NSMCE2: variants seen among roughly 807,000 people sequenced by gnomAD.
NSMCE2 encodes E3 SUMO-protein ligase NSE2.
NSMCE2 carries 24 observed loss-of-function variants against 23.8 expected under a neutral mutation model. The observed-to-expected ratio is 1.01, with a 90% CI of 0.73 to 1.42. The LOEUF (loss-of-function observed/expected upper bound fraction) is 1.42. NSMCE2 is among the 40% of genes most tolerant of loss of function. The pLI is 0.00. For synonymous variants in NSMCE2, 92 were observed against 94.1 expected (o/e 0.98, Z 0.13); for missense variants, 284 against 296.5 (o/e 0.96, Z 0.31).
rs1443949746 is a variant in NSMCE2 at position 125,299,773 on chromosome 8, A to G, written c.419-57446A>G. Among the ~76,000 whole-genome samples, 6 of 120,258 alleles carry G rather than the reference A, an allele frequency of 5.0e-5. 1 individual carries two copies. In the South Asian group the frequency reaches 8.5e-4, roughly 17 times the overall value. 78.9% of individuals were successfully genotyped at this position (120,258 alleles called of 152,430 possible). A position where few individuals can be genotyped will look rare whatever the true frequency, so the allele number is the denominator to read the frequency against. On this transcript the variant is annotated intron_variant, in intron 5 of 7. Coordinates refer to ENST00000287437, the MANE Select transcript of NSMCE2 (RefSeq NM_173685.4). ...GAGAATGCCATGTAGTTTGAAGACT[A>G]TTATTACCTTGACCTCATAATTTTG...
intron 5 of NSMCE2, among the ~76,000 whole-genome samples, chr8:125,356,325 G>GTT (rs1563803250): frequency 5.6e-5 from 7 of 125,170 alleles, no homozygotes; most frequent in African/African-American, 1.9e-4. Context: ...TTAATTTTTT[G>GTT]GTTTTTTTTT....
intron 3 of NSMCE2, among the ~76,000 whole-genome samples, chr8:125,142,539 C>T (rs576933772): frequency 6.6e-6 from 1 of 152,002 alleles, no homozygotes; most frequent in Non-Finnish European, 1.5e-5. Context: ...CACTTACTAG[C>T]TTGTATCATG....
chr8:125,096,521 T>G (rs1241027119), intron 1 of NSMCE2, among the ~76,000 whole-genome samples: 1 of 152,106 alleles, frequency 6.6e-6, no homozygotes, highest in East Asian at 1.9e-4. Flanking sequence ...TATTTTTTTC[T>G]TGAGTTTCTA....
At chr8:125,163,758 G>A (rs1037543471) in intron 4 of NSMCE2, among the ~76,000 whole-genome samples, 1 of 152,198 alleles carries the variant, frequency 6.6e-6, no homozygotes, top group Admixed American at 6.5e-5. Flanking sequence ...GTCCCTGTTA[G>A]CTCTTAGAGG....
chr8:125,306,438 C>G lies in NSMCE2; in HGVS notation c.419-50781C>G, dbSNP rs570400991. On this transcript the variant is annotated intron_variant, in intron 5 of 7. Transcript: ENST00000287437. ...GCCTTACTGCCCAATTTAAATTTCT[C>G]TATCTCTCTCTCTCTTCTCCCCACT... Among the ~76,000 whole-genome samples, 12 of 152,162 alleles carry G rather than the reference C, an allele frequency of 7.9e-5. No homozygotes were observed. The South Asian group carries it at 2.1e-3, about 26-fold the overall frequency.
chr8:125,261,199 CA>C (rs1421966136), intron 5 of NSMCE2, among the ~76,000 whole-genome samples: 10 of 152,130 alleles, frequency 6.6e-5, no homozygotes, highest in African/African-American at 2.4e-4. Context: ...CACTTATTGA[CA>C]ATCACTATTA....
At chr8:125,154,521 A>C (rs990731186) in intron 4 of NSMCE2, among the ~76,000 whole-genome samples, 14 of 151,952 alleles carry the variant, frequency 9.2e-5, no homozygotes, top group African/African-American at 2.7e-4. Context: ...TAAAAAAAAA[A>C]AAAAAAAAGG....
At chr8:125,225,288 A>G (rs905266978) in intron 5 of NSMCE2, among the ~76,000 whole-genome samples, 1 of 152,222 alleles carries the variant, frequency 6.6e-6, no homozygotes, top group Non-Finnish European at 1.5e-5. Context: ...GCTTTCCTTC[A>G]GTCGACAGCA....
chr8:125,194,581 T>A (rs1307664227), intron 5 of NSMCE2, among the ~76,000 whole-genome samples: 1 of 152,196 alleles, frequency 6.6e-6, no homozygotes, highest in Non-Finnish European at 1.5e-5. Flanking sequence ...TATGTGAATA[T>A]GTCTTAATTT....
chr8:125,323,740 A>G (rs1278791429), intron 5 of NSMCE2, among the ~76,000 whole-genome samples: 1 of 152,144 alleles, frequency 6.6e-6, no homozygotes, highest in Non-Finnish European at 1.5e-5. Flanking sequence ...AGAAGAAAAC[A>G]TAGGAGAAAC....
At chr8:125,330,279 G>A (rs10101223) in intron 5 of NSMCE2, among the ~76,000 whole-genome samples, 4,842 of 149,878 alleles carry the variant, frequency 0.032, 242 homozygotes, top group African/African-American at 0.11. Context: ...CGGTTCGAGC[G>A]ATTCTCCTGC....
At chr8:125,352,476 CAAA>C (rs1250506610) in intron 5 of NSMCE2, among the ~76,000 whole-genome samples, 2 of 77,870 alleles carry the variant, frequency 2.6e-5, no homozygotes, top group African/African-American at 9.3e-5. Flanking sequence ...AAATCCATCT[CAAA>C]AAAAAAAAAA....
intron 3 of NSMCE2, among the ~76,000 whole-genome samples, chr8:125,123,032 A>G (rs573636165): frequency 6.6e-6 from 1 of 152,242 alleles, no homozygotes; most frequent in Non-Finnish European, 1.5e-5. Context: ...TTTAAAGGCT[A>G]AGAATGGGTT....
chr8:125,164,758 T>A (rs1821791644), intron 4 of NSMCE2, among the ~76,000 whole-genome samples: 1 of 152,182 alleles, frequency 6.6e-6, no homozygotes, highest in Admixed American at 6.5e-5. Context: ...AAAAATGAAA[T>A]AAACTTTTTT....
chr8:125,277,510 C>CT (rs60732204), intron 5 of NSMCE2, among the ~76,000 whole-genome samples: 395 of 145,030 alleles, frequency 2.7e-3, no homozygotes, highest in African/African-American at 5.1e-3. Flanking sequence ...TCTTCTTCTT[C>CT]TTTTTTTTTT....
intron 3 of NSMCE2, among the ~76,000 whole-genome samples, chr8:125,113,606 A>G (rs530608574): frequency 6.6e-6 from 1 of 152,362 alleles, no homozygotes; most frequent in African/African-American, 2.4e-5. Context: ...GTTCACAATG[A>G]TGTGGATTAG....
intron 5 of NSMCE2, among the ~76,000 whole-genome samples, chr8:125,331,231 C>T (rs1448970201): frequency 1.3e-5 from 2 of 152,100 alleles, no homozygotes; most frequent in Non-Finnish European, 2.9e-5. Context: ...ACCCGGGAGG[C>T]GGAGCTTGCA....
intron 5 of NSMCE2, chr8:125,182,707 C>A (rs1251053816): frequency 5.7e-6 from 1 of 176,882 alleles, no homozygotes; most frequent in Non-Finnish European, 1.2e-5. Context: ...CAACTATAGA[C>A]CAAAATCTCC....
At chr8:125,297,419 C>T (rs1370615477) in intron 5 of NSMCE2, among the ~76,000 whole-genome samples, 1 of 152,194 alleles carries the variant, frequency 6.6e-6, no homozygotes, top group Non-Finnish European at 1.5e-5. Flanking sequence ...CAGCTCATTC[C>T]ATTTTCAAAT....
Sources: gnomAD v4.1 joint callset for allele counts (sites outside exome capture counted in the v4.1 genomes callset) on GRCh38, gnomAD v4.1.1 for gene constraint, MANE v1.5 for transcripts, NCBI Gene and HGNC (gene_info 2026-07-23, HGNC 2026-07-21) for gene names.